The following ST6GALNAC3 variants were observed in gnomAD, a reference collection of about 807,000 sequenced individuals.
ST6GALNAC3 encodes ST6 N-acetylgalactosaminide alpha-2,6-sialyltransferase 3, also known as alpha-N-acetylgalactosaminide alpha-2,6-sialyltransferase 3.
ST6GALNAC3 carries 25 observed loss-of-function variants against 32.7 expected under a neutral mutation model. The ratio of observed to expected loss-of-function variants is 0.76; its 90% CI spans 0.56 to 1.07. ST6GALNAC3 has a LOEUF of 1.07. ST6GALNAC3 is among the 50% of genes least tolerant of loss of function. The pLI is 0.00. For missense variants in ST6GALNAC3, 355 were observed against 382.4 expected, an observed-to-expected ratio of 0.93 and a Z score of 0.60; for synonymous variants, 129 against 133.1, an observed-to-expected ratio of 0.97 and a Z score of 0.21.
chr1:76,522,213 G>T (rs926253988), intron 3 of ST6GALNAC3, among the ~76,000 whole-genome samples: 2 of 151,318 alleles, frequency 1.3e-5, no homozygotes, highest in African/African-American at 4.9e-5. Flanking sequence ...CTTCTTTTAT[G>T]ATTTATTTTA....
At chr1:76,128,862 G>T (rs1553157439) in intron 1 of ST6GALNAC3, among the ~76,000 whole-genome samples, 1 of 152,170 alleles carries the variant, frequency 6.6e-6, no homozygotes, top group Non-Finnish European at 1.5e-5. Context: ...GGATACACAG[G>T]TTTACAGACA....
intron 3 of ST6GALNAC3, among the ~76,000 whole-genome samples, chr1:76,502,993 A>C (rs1018812896): frequency 6.6e-6 from 1 of 152,218 alleles, no homozygotes; most frequent in African/African-American, 2.4e-5. Flanking sequence ...TTTCAGCTAA[A>C]ACATTTTAAT....
intron 1 of ST6GALNAC3, among the ~76,000 whole-genome samples, chr1:76,148,176 G>C (rs889767020): frequency 6.6e-6 from 1 of 152,132 alleles, no homozygotes; most frequent in Non-Finnish European, 1.5e-5. Context: ...ACTGCTTGAC[G>C]CATCTGTTTC....
At position 76,629,140 on chromosome 1, in the gene ST6GALNAC3, C is replaced by A; in HGVS notation, c.*334C>A. 1 of 1,054,560 alleles carries A rather than the reference C, an allele frequency of 9.5e-7. No homozygotes were observed. Among genetic ancestry groups the A allele is most frequent in the Non-Finnish European group, 1.1e-6 (1 of 875,786 alleles). 65.3% of individuals were successfully genotyped at this position (1,054,560 alleles called of 1,614,324 possible). A position where few individuals can be genotyped will look rare whatever the true frequency, so the allele number is the denominator to read the frequency against. On this transcript the variant is annotated 3_prime_UTR_variant, in exon 5 of 5. Transcript: ENST00000328299. ...TTCAAGATAGCTGCCTAGAATTGTT[C>A]AACAGTGAGTAACTTCCAGAAGCCA...
intron 1 of ST6GALNAC3, among the ~76,000 whole-genome samples, chr1:76,099,705 G>A (rs55951085): frequency 0.089 from 13,594 of 152,144 alleles, 2,003 homozygotes; most frequent in African/African-American, 0.3. Context: ...AGCTTTACAG[G>A]GGCATGTGGG....
chr1:76,607,806 G>A (rs954476801), intron 3 of ST6GALNAC3, among the ~76,000 whole-genome samples: 4 of 152,122 alleles, frequency 2.6e-5, no homozygotes, highest in African/African-American at 9.7e-5. Context: ...CCCAGTACCT[G>A]TGTGTAGGGG....
intron 3 of ST6GALNAC3, among the ~76,000 whole-genome samples, chr1:76,536,159 G>A (rs1170457247): frequency 6.6e-6 from 1 of 152,136 alleles, no homozygotes; most frequent in East Asian, 1.9e-4. Context: ...CAAAGGGTTT[G>A]AGAAACAGGT....
chr1:76,411,741 C>G (rs1654251486), intron 2 of ST6GALNAC3, among the ~76,000 whole-genome samples: 1 of 152,040 alleles, frequency 6.6e-6, no homozygotes, highest in Non-Finnish European at 1.5e-5. Context: ...AAACAAATAA[C>G]TATTTTTTGC....
chr1:76,314,615 A>C (rs1557778794), intron 2 of ST6GALNAC3, among the ~76,000 whole-genome samples: 1 of 152,202 alleles, frequency 6.6e-6, no homozygotes, highest in Admixed American at 6.5e-5. Flanking sequence ...AGTGCACACT[A>C]TGCTAGCGCT....
chr1:76,346,104 A>G (rs571538369), intron 2 of ST6GALNAC3, among the ~76,000 whole-genome samples: 1 of 151,958 alleles, frequency 6.6e-6, no homozygotes, highest in South Asian at 2.1e-4. Flanking sequence ...CCAGGGGTAT[A>G]ATGTTATTTT....
intron 1 of ST6GALNAC3, among the ~76,000 whole-genome samples, chr1:76,223,992 A>G (rs1238271505): frequency 6.6e-6 from 1 of 152,182 alleles, no homozygotes; most frequent in Non-Finnish European, 1.5e-5. Flanking sequence ...CAGATTTAGA[A>G]TATCCTAACT....
At chr1:76,182,969 T>A (rs1322265090) in intron 1 of ST6GALNAC3, among the ~76,000 whole-genome samples, 1 of 152,174 alleles carries the variant, frequency 6.6e-6, no homozygotes, top group Non-Finnish European at 1.5e-5. Flanking sequence ...AAATGGAATC[T>A]GTATGTATGG....
At chr1:76,407,253 T>A (rs1653900664) in intron 2 of ST6GALNAC3, among the ~76,000 whole-genome samples, 1 of 152,116 alleles carries the variant, frequency 6.6e-6, no homozygotes, top group Non-Finnish European at 1.5e-5. Flanking sequence ...TCACACTGAT[T>A]AGAATTTTAA....
chr1:76,494,680 CTT>C (rs2101705395), intron 3 of ST6GALNAC3, among the ~76,000 whole-genome samples: 2 of 138,030 alleles, frequency 1.4e-5, no homozygotes, highest in South Asian at 2.4e-4. Context: ...CACACACACA[CTT>C]TCCCTACTTT....
intron 1 of ST6GALNAC3, among the ~76,000 whole-genome samples, chr1:76,293,310 G>A (rs1660202560): frequency 1.3e-5 from 2 of 152,106 alleles, no homozygotes; most frequent in Admixed American, 6.5e-5. Flanking sequence ...AACAGTACTG[G>A]CATCAGAAAA....
At chr1:76,503,209 A>G (rs74089977) in intron 3 of ST6GALNAC3, among the ~76,000 whole-genome samples, 6,161 of 152,192 alleles carry the variant, frequency 0.04, 400 homozygotes, top group African/African-American at 0.14. Flanking sequence ...TCCAATGGCA[A>G]CACCTCTCTC....
intron 3 of ST6GALNAC3, among the ~76,000 whole-genome samples, chr1:76,422,520 T>C (rs1440182213): frequency 6.6e-6 from 1 of 152,026 alleles, no homozygotes; most frequent in Non-Finnish European, 1.5e-5. Context: ...CAAAAATGTC[T>C]CATTCTTATT....
intron 1 of ST6GALNAC3, among the ~76,000 whole-genome samples, chr1:76,254,903 C>CA (rs923886460): frequency 6.6e-6 from 1 of 151,872 alleles, no homozygotes; most frequent in Non-Finnish European, 1.5e-5. Flanking sequence ...ACAGCAAGTG[C>CA]AAAAAATGAT....
At chr1:76,194,345 G>GT (rs1370881992) in intron 1 of ST6GALNAC3, among the ~76,000 whole-genome samples, 12 of 152,080 alleles carry the variant, frequency 7.9e-5, no homozygotes, top group Non-Finnish European at 1.0e-4. Context: ...CAAACCTTGC[G>GT]TTTTAGGACC....
Sources: allele counts gnomAD v4.1 joint callset (sites outside exome capture counted in the v4.1 genomes callset), GRCh38; gene constraint gnomAD v4.1.1; transcripts MANE v1.5; gene names NCBI Gene and HGNC (gene_info 2026-07-23, HGNC 2026-07-21).